NCOA7: variants seen among roughly 807,000 people sequenced by gnomAD.
NCOA7 encodes 140 kDa estrogen receptor-associated protein.
Under a neutral mutation model 104.3 loss-of-function variants are expected in NCOA7, and 45 were observed. That is an observed-to-expected ratio of 0.43 (90% CI 0.34 to 0.55). The LOEUF is 0.55. NCOA7 is among the 20% of genes least tolerant of loss of function. The pLI is 0.02. For synonymous variants in NCOA7, 398 were observed against 402.3 expected (o/e 0.99, Z 0.13); for missense variants, 1,041 against 1,119.7 (o/e 0.93, Z 1.00).
chr6:125,860,998 G>A (rs889761883), intron 3 of NCOA7, among the ~76,000 whole-genome samples: 1 of 152,136 alleles, frequency 6.6e-6, no homozygotes, highest in East Asian at 1.9e-4. Context: ...AAATAAGAGA[G>A]CATAGCTCAT....
intron 1 of NCOA7, among the ~76,000 whole-genome samples, chr6:125,810,554 T>C (rs1776896422): frequency 6.6e-6 from 1 of 152,186 alleles, no homozygotes; most frequent in Non-Finnish European, 1.5e-5. Flanking sequence ...GTGTATTGAA[T>C]GAAGGAAAGT....
intron 11 of NCOA7, among the ~76,000 whole-genome samples, chr6:125,916,162 C>T (rs1240241655): frequency 6.6e-6 from 1 of 152,214 alleles, no homozygotes; most frequent in Admixed American, 6.5e-5. Context: ...GGAGTTCTCA[C>T]AAGATCTGAT....
chr6:125,927,958 C>T (rs1024254907), intron 14 of NCOA7, among the ~76,000 whole-genome samples, 200 bp downstream of exon 14: 1 of 152,190 alleles, frequency 6.6e-6, no homozygotes, highest in African/African-American at 2.4e-5. Flanking sequence ...TCCAGAGAGT[C>T]GCAGGTCAGA....
At chr6:125,793,643 T>C (rs1322142479) in intron 1 of NCOA7, among the ~76,000 whole-genome samples, 1 of 152,214 alleles carries the variant, frequency 6.6e-6, no homozygotes, top group East Asian at 1.9e-4. Flanking sequence ...GGCTGTATTT[T>C]AGAAACCTCT....
chr6:125,813,145 A>G (rs1288868401), intron 1 of NCOA7, among the ~76,000 whole-genome samples: 1 of 152,170 alleles, frequency 6.6e-6, no homozygotes, highest in Non-Finnish European at 1.5e-5. Context: ...GGATGAGAAA[A>G]TTAGTTTTAT....
chr6:125,897,628 G>A (rs1468007970), intron 10 of NCOA7, among the ~76,000 whole-genome samples: 6 of 151,908 alleles, frequency 3.9e-5, no homozygotes, highest in Non-Finnish European at 8.8e-5. Flanking sequence ...CAATCTCTCT[G>A]TTGGCTTTAA....
At chr6:125,840,118 C>G (rs1374941178) in intron 2 of NCOA7, among the ~76,000 whole-genome samples, 1 of 151,950 alleles carries the variant, frequency 6.6e-6, no homozygotes, top group East Asian at 1.9e-4. Context: ...AAGACAATGA[C>G]GTTGATGTTC....
chr6:125,864,162 T>A (rs1782260723), intron 3 of NCOA7, among the ~76,000 whole-genome samples: 1 of 137,564 alleles, frequency 7.3e-6, no homozygotes, highest in South Asian at 2.2e-4. Context: ...CATTGCATTG[T>A]TTAAAGTAGC....
At chr6:125,804,732 G>A (rs1015373282) in intron 1 of NCOA7, among the ~76,000 whole-genome samples, 4 of 152,076 alleles carry the variant, frequency 2.6e-5, no homozygotes, top group Non-Finnish European at 5.9e-5. Context: ...TAATTTTAGT[G>A]CTTAGAAAAA....
intron 2 of NCOA7, among the ~76,000 whole-genome samples, chr6:125,841,893 A>G (rs1354616553): frequency 6.6e-6 from 1 of 152,218 alleles, no homozygotes; most frequent in Non-Finnish European, 1.5e-5. Context: ...CATACCTGAT[A>G]TTAGATTATT....
At chr6:125,852,053 A>G (rs184649810) in intron 2 of NCOA7, among the ~76,000 whole-genome samples, 38 of 152,096 alleles carry the variant, frequency 2.5e-4, no homozygotes, top group South Asian at 1.4e-3. Flanking sequence ...GTTTACTCTC[A>G]TGATTTCTTT....
At chr6:125,892,422 C>A (rs1583476751) in intron 10 of NCOA7, among the ~76,000 whole-genome samples, 1 of 151,922 alleles carries the variant, frequency 6.6e-6, no homozygotes, top group Admixed American at 6.6e-5. Flanking sequence ...AAAAGCAGGT[C>A]AACTTTGGGA....
chr6:125,827,852 A>G (rs1778795457), intron 2 of NCOA7, among the ~76,000 whole-genome samples: 1 of 152,276 alleles, frequency 6.6e-6, no homozygotes, highest in Non-Finnish European at 1.5e-5. Context: ...GCTGAGGCAG[A>G]TCATGCAGGG....
At position 125,830,092 on chromosome 6, in the gene NCOA7, G is replaced by A. The variant is rs530349365; in HGVS notation, c.50+14688G>A. Among the ~76,000 whole-genome samples the A allele has an allele frequency of 7.0e-4, 106 of 152,222 alleles. 1 individual carries two copies. Among genetic ancestry groups the A allele is most frequent in the Non-Finnish European group, 1.2e-3 (82 of 67,996 alleles). The stretch of plus-strand genomic sequence containing the variant: ...GGACCCTCAAGGCTGCTTATTTCTT[G>A]CTTGAAAAACTCTTGTTAGAGGGAA... On this transcript the variant is annotated intron_variant, in intron 2 of 15. Coordinates refer to ENST00000392477, the MANE Select transcript of NCOA7 (RefSeq NM_181782.5).
At chr6:125,828,964 C>T (rs1329117462) in intron 2 of NCOA7, among the ~76,000 whole-genome samples, 1 of 152,142 alleles carries the variant, frequency 6.6e-6, no homozygotes, top group Non-Finnish European at 1.5e-5. Context: ...CTACTTGTAT[C>T]TAATTCCAAA....
Position 125,889,417 on chromosome 6 carries a change from A to C in NCOA7, c.1363A>C (p.Asn455His), listed in dbSNP as rs375358564. The part of the protein sequence containing the change: ...EERKKAESQI[N>H]NSAVEMQVQS... ...ACGAAAGAAAGCTGAGTCACAAATA[A>C]ACAATTCTGCCGTGGAAATGCAGGT... The change falls in exon 9 of 16, where the codon AAC (asparagine) becomes CAC (histidine). Residue 455 changes from asparagine (N) to histidine (H), a missense_variant. Transcript: ENST00000392477. The C allele has an allele frequency of 6.2e-7, 1 of 1,613,852 alleles. No individual in the cohort carries two copies. The highest frequency in any genetic ancestry group is 8.5e-7 in the Non-Finnish European group (1 of 1,179,976).
chr6:125,878,655 A>T (rs2128644437), intron 5 of NCOA7, among the ~76,000 whole-genome samples: 1 of 152,186 alleles, frequency 6.6e-6, no homozygotes, highest in African/African-American at 2.4e-5. Context: ...GATTACAGAC[A>T]TGAGCCACTG....
At chr6:125,824,062 T>G (rs559929350) in intron 2 of NCOA7, among the ~76,000 whole-genome samples, 15 of 147,108 alleles carry the variant, frequency 1.0e-4, no homozygotes, top group East Asian at 9.8e-4. Flanking sequence ...GGAGTGAGGG[T>G]TTTTTTTTTA....
Position 125,885,359 on chromosome 6 carries a change from G to C in NCOA7, c.884+16G>C, listed in dbSNP as rs2128652376. The C allele has an allele frequency of 1.2e-6, 2 of 1,609,776 alleles. No individual in the cohort carries two copies. Among genetic ancestry groups the C allele is most frequent in the East Asian group, 4.5e-5 (2 of 44,804 alleles). ...CCTTGCCATCGTAAGACATTTATTTGTTTACCAGGAAAAAAGGGGTGTTGA... is the reference window on the plus strand; with the variant it reads ...CCTTGCCATCGTAAGACATTTATTTCTTTACCAGGAAAAAAGGGGTGTTGA... On this transcript the variant is annotated intron_variant, in intron 8 of 15. Coordinates refer to ENST00000392477, the MANE Select transcript of NCOA7 (RefSeq NM_181782.5).
Sources: allele counts gnomAD v4.1 joint callset (sites outside exome capture counted in the v4.1 genomes callset), GRCh38; gene constraint gnomAD v4.1.1; transcripts MANE v1.5; gene names NCBI Gene and HGNC (gene_info 2026-07-23, HGNC 2026-07-21).